LRRC37A2: variants seen among roughly 807,000 people sequenced by gnomAD.
LRRC37A2 encodes the protein leucine-rich repeat-containing protein 37A2.
In LRRC37A2, 9 loss-of-function variants were observed where a neutral mutation model predicts 68.8. The ratio of observed to expected loss-of-function variants is 0.13; its 90% CI spans 0.08 to 0.23. LRRC37A2 has a LOEUF of 0.23. Ranked by LOEUF, LRRC37A2 falls within the 10% of genes least tolerant of loss-of-function variation. LRRC37A2 has a pLI of 1.00. For missense variants in LRRC37A2, 168 were observed against 950.4 expected (o/e 0.18, Z 10.82); for synonymous variants, 63 against 367.6 (o/e 0.17, Z 9.48).
chr17:46,748,576 AG>A, the LRRC37A2 span, among the ~76,000 whole-genome samples: 1 of 152,222 alleles, frequency 6.6e-6, no homozygotes, highest in African/African-American at 2.4e-5. Flanking sequence ...GGAATAGATG[AG>A]GAAAAGGAAG....
the LRRC37A2 span, among the ~76,000 whole-genome samples, chr17:46,961,698 A>G: frequency 2.6e-5 from 4 of 152,232 alleles, no homozygotes; most frequent in Non-Finnish European, 2.9e-5. Context: ...ATGTGTACCT[A>G]AAATATAACG....
the LRRC37A2 span, among the ~76,000 whole-genome samples, chr17:46,753,754 G>T: frequency 5.9e-5 from 9 of 152,120 alleles, no homozygotes; most frequent in Non-Finnish European, 1.3e-4. Flanking sequence ...GGGCACTCAG[G>T]CCTGATCTTC....
chr17:46,923,336 G>A, the LRRC37A2 span: 2 of 1,530,300 alleles, frequency 1.3e-6, no homozygotes, highest in Non-Finnish European at 1.8e-6. Flanking sequence ...TTTTCCGCCA[G>A]GGCACTGCTG....
the LRRC37A2 span, among the ~76,000 whole-genome samples, chr17:46,598,716 A>T: frequency 1.6e-4 from 25 of 152,320 alleles, no homozygotes; most frequent in African/African-American, 6.0e-4. Flanking sequence ...CTTTGTTTAG[A>T]AACCTAGTCA....
the LRRC37A2 span, among the ~76,000 whole-genome samples, chr17:46,793,304 A>AG: frequency 8.0e-6 from 1 of 124,392 alleles, no homozygotes; most frequent in Non-Finnish European, 1.7e-5. Flanking sequence ...AAAAAAAATG[A>AG]GGGGAGACAT....
the LRRC37A2 span, chr17:46,923,185 C>T: frequency 7.8e-6 from 12 of 1,538,948 alleles, no homozygotes; most frequent in Admixed American, 2.0e-5. Context: ...GCCTGCGGGG[C>T]CGGCGACATG....
rs1442181772 is a variant in LRRC37A2, at chr17:46,545,502, ACTTT to A, written c.3054-752_3054-749del. Among the ~76,000 whole-genome samples, 5 of 121,936 alleles carry A rather than the reference ACTTT, an allele frequency of 4.1e-5. No homozygotes were observed. The East Asian group carries it at 6.8e-4, about 17-fold the overall frequency. 80.0% of individuals were successfully genotyped at this position (121,936 alleles called of 152,430 possible). A position where few individuals can be genotyped will look rare whatever the true frequency, so the allele number is the denominator to read the frequency against. ...ATTAATAAATAATCTGTGGGTTGTT[ACTTT>A]GAGTTCAGTGAAGATCCTGTTCTCA... is the stretch of plus-strand genomic sequence containing the variant. On this transcript the variant is annotated intron_variant, in intron 8 of 14. Transcript: ENST00000576629.
At chr17:46,748,730 A>C in the LRRC37A2 span, among the ~76,000 whole-genome samples, 2 of 152,222 alleles carry the variant, frequency 1.3e-5, no homozygotes, top group Non-Finnish European at 2.9e-5. Flanking sequence ...ACACAACTTT[A>C]AACTATGTAA....
the LRRC37A2 span, among the ~76,000 whole-genome samples, chr17:46,692,645 ACACT>A: frequency 1.9e-5 from 2 of 105,070 alleles, no homozygotes. Context: ...CTATACACAC[ACACT>A]ATCAGTATAT....
the LRRC37A2 span, among the ~76,000 whole-genome samples, chr17:46,740,662 CTTTT>C: frequency 1.5e-5 from 2 of 137,140 alleles, no homozygotes; most frequent in African/African-American, 5.3e-5. Context: ...TTATCTTTTT[CTTTT>C]TTTTTTTTTT....
At chr17:47,028,425 T>C in the LRRC37A2 span, 1 of 992,528 alleles carries the variant, frequency 1.0e-6, no homozygotes, top group Non-Finnish European at 1.6e-6. Context: ...ATACAATTAT[T>C]GGGTAGCTGG....
chr17:46,890,818 C>T, the LRRC37A2 span, among the ~76,000 whole-genome samples: 70 of 152,142 alleles, frequency 4.6e-4, no homozygotes, highest in Admixed American at 7.9e-4. Context: ...GCAAGAGGCA[C>T]GGGCGGGGGT....
the LRRC37A2 span, among the ~76,000 whole-genome samples, chr17:46,774,348 A>C: frequency 1.3e-5 from 2 of 152,302 alleles, no homozygotes; most frequent in Admixed American, 1.3e-4. Flanking sequence ...GACTCATGGG[A>C]CACGCGCGCG....
At chr17:47,019,386 A>T in the LRRC37A2 span, 5 of 1,610,792 alleles carry the variant, frequency 3.1e-6, no homozygotes, top group South Asian at 5.5e-5. Flanking sequence ...TACAATACCT[A>T]CTACAGAGGT....
the LRRC37A2 span, among the ~76,000 whole-genome samples, chr17:46,415,353 C>CA: frequency 1.4e-5 from 1 of 73,654 alleles, no homozygotes; most frequent in African/African-American, 3.9e-5. Flanking sequence ...AACCTTTCTG[C>CA]AGTAGACTTT....
At chr17:46,896,452 A>AGG in the LRRC37A2 span, among the ~76,000 whole-genome samples, 2 of 65,834 alleles carry the variant, frequency 3.0e-5, no homozygotes, top group African/African-American at 1.0e-4. Context: ...GAAAGAAAGA[A>AGG]AAAGAAAGAA....
chr17:46,800,582 A>G, the LRRC37A2 span, among the ~76,000 whole-genome samples: 2 of 152,192 alleles, frequency 1.3e-5, no homozygotes, highest in Non-Finnish European at 2.9e-5. Context: ...GAAAATACAC[A>G]ACAAGTACCA....
chr17:46,914,150 T>C, the LRRC37A2 span, among the ~76,000 whole-genome samples: 3 of 152,174 alleles, frequency 2.0e-5, no homozygotes, highest in East Asian at 1.9e-4. Flanking sequence ...GGCATCTCGA[T>C]GCACTCTCAT....
the LRRC37A2 span, among the ~76,000 whole-genome samples, chr17:46,826,781 CTTTTTT>C: frequency 1.7e-5 from 2 of 117,678 alleles, no homozygotes; most frequent in Non-Finnish European, 1.8e-5. Flanking sequence ...ATCAGCTGCT[CTTTTTT>C]TTTTTTTTTT....
Sources: gnomAD v4.1 joint callset for allele counts (sites outside exome capture counted in the v4.1 genomes callset) on GRCh38, gnomAD v4.1.1 for gene constraint, MANE v1.5 for transcripts, NCBI Gene and HGNC (gene_info 2026-07-23, HGNC 2026-07-21) for gene names.